Variants in SYNE4 observed in about 807,000 individuals in gnomAD.
SYNE4 encodes nesprin-4.
Under a neutral mutation model 46.9 loss-of-function variants are expected in SYNE4, and 41 were observed. The observed-to-expected ratio is 0.87, with a 90% CI of 0.68 to 1.13. The LOEUF (loss-of-function observed/expected upper bound fraction) is 1.13. Ranked by LOEUF, SYNE4 falls within the 50% of genes most tolerant of loss-of-function variation. The pLI, the probability that SYNE4 is intolerant of heterozygous loss-of-function variation, is 0.00. For synonymous variants in SYNE4, 221 were observed against 219.5 expected, an observed-to-expected ratio of 1.01 and a Z score of -0.06; for missense variants, 492 against 514.8, an observed-to-expected ratio of 0.96 and a Z score of 0.43.
chr19:36,008,604 C>A lies in SYNE4; in HGVS notation c.78G>T (p.Ala26=), dbSNP rs1219703066. Residue 26 remains alanine, a synonymous_variant, in exon 1 of 8, where the codon GCG becomes GCT. Coordinates refer to ENST00000324444, the MANE Select transcript of SYNE4 (RefSeq NM_001039876.3). ...GGCAGACGGTGCATCCAACAATGTC[C>A]GCCTCTCTAGGTGCTCCCGGTGGGT... The part of the protein sequence containing the change: ...LNHPPGAPRE[A]DIVGCTVCPA... 1.2e-6 allele frequency: 2 copies of A among 1,613,936 alleles called. No homozygotes were observed. The highest frequency in any genetic ancestry group is 1.7e-5 in the Admixed American group (1 of 59,992).
In SYNE4 at chr19:36,008,753, C is replaced by T. The variant is rs548889515; in HGVS notation, c.-72G>A. On this transcript the variant is annotated 5_prime_UTR_variant, in exon 1 of 8. Transcript: ENST00000324444. Reference sequence around the variant, plus strand: ...ACCTCTTCCCTAGACAAGGGTGTCCCAGAGCTCCTCCGCTGGAGTCACCCG... The same window carrying T: ...ACCTCTTCCCTAGACAAGGGTGTCCTAGAGCTCCTCCGCTGGAGTCACCCG... The T allele has an allele frequency of 2.8e-5, 42 of 1,502,726 alleles. 1 individual carries two copies. The African/African-American group carries it at 4.1e-4, about 15-fold the overall frequency. The allele number at this position is 1,502,726 out of a possible 1,614,324, so 93.1% of individuals were successfully genotyped here.
chr19:36,008,553 CCTCGT>C lies in SYNE4; in HGVS notation c.124_128del (p.Thr42ProfsTer16). On this transcript the variant is annotated frameshift_variant and splice_region_variant, in exon 1 of 8. Transcript: ENST00000324444. LOFTEE classifies it high-confidence loss of function. ...CAAGCTTCCAAAGCCCCGGCCCCCA[CCTCGT>C]GCTCTCCTCTCCGGACGCGGGGCAG... is the stretch of plus-strand genomic sequence containing the variant. The C allele has an allele frequency of 6.2e-7, 1 of 1,613,696 alleles. No homozygotes were observed. Among genetic ancestry groups the C allele is most frequent in the Non-Finnish European group, 8.5e-7 (1 of 1,179,930 alleles).
chr19:36,008,066 G>A (rs1968437901), intron 2 of SYNE4, 151 bp downstream of exon 2: 3 of 1,042,224 alleles, frequency 2.9e-6, no homozygotes, highest in Middle Eastern at 2.5e-4. Flanking sequence ...CAGTTGGTCA[G>A]ATATTGAAAC....
At chr19:36,005,223 C>CTTT in intron 6 of SYNE4, 110 bp downstream of exon 6, 92 of 921,384 alleles carry the variant, frequency 1.0e-4, no homozygotes, top group Middle Eastern at 2.5e-4. Flanking sequence ...CTTTCCATTA[C>CTTT]TTTTTTTTTT....
Position 36,006,619 on chromosome 19 carries a change from G to T in SYNE4, c.671C>A (p.Ser224Ter), listed in dbSNP as rs34818970. ...GACCCCACCAGGTCCTGGCCAGTCCGAGTCTCCCTCGACCTCCAAGTCCTG... is the reference window on the plus strand; with the variant it reads ...GACCCCACCAGGTCCTGGCCAGTCCTAGTCTCCCTCGACCTCCAAGTCCTG... ...LDQDLEVEGD[S>*]DWPGPGGVWG... Residue 224 changes from serine to a stop codon, truncating the protein, a stop_gained, in exon 5 of 8, where the codon TCG becomes TAG. Coordinates refer to ENST00000324444, the MANE Select transcript of SYNE4 (RefSeq NM_001039876.3). LOFTEE classifies it high-confidence loss of function. The T allele has an allele frequency of 6.2e-7, 1 of 1,610,390 alleles. No individual in the cohort carries two copies. Among genetic ancestry groups the T allele is most frequent in the Non-Finnish European group, 8.5e-7 (1 of 1,178,280 alleles).
At position 36,003,445 on chromosome 19, in the gene SYNE4, A is replaced by G; in HGVS notation, c.1107T>C (p.Gly369=). The change falls in exon 8 of 8, where the codon GGT becomes GGC. Residue 369 remains glycine, a synonymous_variant. Coordinates refer to ENST00000324444, the MANE Select transcript of SYNE4 (RefSeq NM_001039876.3). ...ILFLLFLLLV[G]AMFLLPASGG... The stretch of plus-strand genomic sequence containing the variant: ...CTGACGCGGGCAGGAGAAACATGGC[A>G]CCCACCAGGAGGAGGAAGAGGAGGA... 2.5e-6 allele frequency: 4 copies of G among 1,613,278 alleles called. No individual in the cohort carries two copies. Among genetic ancestry groups the G allele is most frequent in the Non-Finnish European group, 3.4e-6 (4 of 1,179,676 alleles).
intron 5 of SYNE4, 26 bp from the exon 6 acceptor site, chr19:36,005,463 CGT>C: frequency 1.2e-6 from 2 of 1,611,700 alleles, no homozygotes; most frequent in Non-Finnish European, 1.7e-6. Flanking sequence ...CAAAGAAAAA[CGT>C]GGTTGGGGGA....
chr19:36,005,295 G>A (rs763185459), intron 6 of SYNE4, 38 bp downstream of exon 6: 1 of 1,592,326 alleles, frequency 6.3e-7, no homozygotes, highest in Non-Finnish European at 8.6e-7. Context: ...TTGCCATCAA[G>A]ATTCCTGAGT....
intron 6 of SYNE4, 73 bp from the exon 7 acceptor site, chr19:36,003,744 A>C: frequency 6.5e-7 from 1 of 1,546,912 alleles, no homozygotes; most frequent in South Asian, 1.2e-5. Context: ...TTTGAGACGG[A>C]GTCTCACTCT....
At chr19:36,007,660 T>C in intron 2 of SYNE4, 1 of 949,002 alleles carries the variant, frequency 1.1e-6, no homozygotes, top group Non-Finnish European at 1.3e-6. Context: ...GAGGATCACT[T>C]GAGCCCAGGA....
intron 6 of SYNE4, among the ~76,000 whole-genome samples, chr19:36,004,570 G>T (rs1345050505): frequency 6.6e-6 from 1 of 152,202 alleles, no homozygotes; most frequent in Non-Finnish European, 1.5e-5. Flanking sequence ...AGGTTCAAGT[G>T]AAGCTGACAG....
chr19:36,006,887 CA>C lies in SYNE4; in HGVS notation c.480del (p.Phe160LeufsTer110). 2 of 1,563,306 alleles carry C rather than the reference CA, an allele frequency of 1.3e-6. No individual in the cohort carries two copies. Among genetic ancestry groups the C allele is most frequent in the Non-Finnish European group, 1.7e-6 (2 of 1,154,356 alleles). On this transcript the variant is annotated frameshift_variant, in exon 4 of 8. Coordinates refer to ENST00000324444, the MANE Select transcript of SYNE4 (RefSeq NM_001039876.3). LOFTEE classifies it high-confidence loss of function. The part of the protein sequence containing the change: ...AAERVEALLA[F>X]GEGLAQRSEP... ...TCACTCCGCTGTGCCAGCCCCTCAC[CA>C]AACGCTAGCAGCGCCTCCACACGCT...
rs1304609074 is a variant in SYNE4 at position 36,008,218 on chromosome 19, TCA to T, written c.276_277del (p.Cys92Ter). 1.9e-6 allele frequency: 3 copies of T among 1,609,932 alleles called. No individual in the cohort carries two copies. The highest frequency in any genetic ancestry group is 1.3e-5 in the African/African-American group (1 of 74,720). On this transcript the variant is annotated stop_gained and frameshift_variant and splice_region_variant, in exon 2 of 8. Coordinates refer to ENST00000324444, the MANE Select transcript of SYNE4 (RefSeq NM_001039876.3). LOFTEE classifies it high-confidence loss of function. ...GGGGTCTGGGTCACCTCAGCTCACC[TCA>T]CAGTGTTTGCCCCCAGCTGGGTCCT...
intron 6 of SYNE4, among the ~76,000 whole-genome samples, chr19:36,004,369 A>G (rs1466693576): frequency 6.6e-6 from 1 of 152,126 alleles, no homozygotes; most frequent in Non-Finnish European, 1.5e-5. Flanking sequence ...ATAGACCTAC[A>G]AAGCTGGTCT....
chr19:36,004,127 G>A (rs1976769455), intron 6 of SYNE4, among the ~76,000 whole-genome samples: 1 of 152,126 alleles, frequency 6.6e-6, no homozygotes, highest in Non-Finnish European at 1.5e-5. Flanking sequence ...TCTTACCTCA[G>A]CCTCCCTAAT....
rs1183773956 is a variant in SYNE4, at chr19:36,005,430, T to A, written c.875A>T (p.Asp292Val). 1.2e-6 allele frequency: 2 copies of A among 1,613,740 alleles called. No individual in the cohort carries two copies. Among genetic ancestry groups the A allele is most frequent in the African/African-American group, 2.7e-5 (2 of 74,832 alleles). ...CATGTCCTGTCGGGAGTGAGAGGTG[T>A]CTGCTTCCTGGAGAACCAGCAACAA... ...QGRGQGLEEA[D>V]TSHSRQDMLE... Residue 292 changes from aspartate (D) to valine (V), a missense_variant, in exon 6 of 8, where the codon GAC becomes GTC. Asp to Val is a radical substitution (Grantham distance 152). Coordinates refer to ENST00000324444, the MANE Select transcript of SYNE4 (RefSeq NM_001039876.3).
chr19:36,003,615 T>A lies in SYNE4; in HGVS notation c.1029A>T (p.Pro343=). Residue 343 remains proline (P), a splice_region_variant and synonymous_variant, in exon 7 of 8, where the codon CCA becomes CCT. Transcript: ENST00000324444. ...HLQDVRLEGN[P]GAPDPASRQP... ...GTCCCATCTCTCAGGCACCTCACCC[T>A]GGATTCCCCTCCAGCCTCACATCCT... The A allele has an allele frequency of 6.2e-7, 1 of 1,612,952 alleles. No homozygotes were observed. Among genetic ancestry groups the A allele is most frequent in the South Asian group, 1.1e-5 (1 of 90,618 alleles).
At position 36,003,644 on chromosome 19, in the gene SYNE4, G is replaced by C; in HGVS notation, c.1000C>G (p.Leu334Val). Residue 334 changes from leucine (L) to valine (V), a missense_variant, in exon 7 of 8, where the codon CTC becomes GTC. Transcript: ENST00000324444. Reference sequence around the variant, plus strand: ...TTCCCCTCCAGCCTCACATCCTGGAGATGAGGAGATGCTTGCCTCTTCTTG... The same window carrying C: ...TTCCCCTCCAGCCTCACATCCTGGACATGAGGAGATGCTTGCCTCTTCTTG... ...QDKKRQASPH[L>V]QDVRLEGNPG... 6.2e-7 allele frequency: 1 copy of C among 1,613,270 alleles called. No homozygotes were observed. The highest frequency in any genetic ancestry group is 8.5e-7 in the Non-Finnish European group (1 of 1,179,770).
chr19:36,008,518 C>T (rs368026319), intron 1 of SYNE4, 36 bp downstream of exon 1: 55 of 1,612,556 alleles, frequency 3.4e-5, no homozygotes, highest in Non-Finnish European at 4.4e-5. Flanking sequence ...CACGCCTACC[C>T]TTTTGGGAAC....
Sources: gnomAD v4.1 joint callset for allele counts (sites outside exome capture counted in the v4.1 genomes callset) on GRCh38, gnomAD v4.1.1 for gene constraint, MANE v1.5 for transcripts, NCBI Gene and HGNC (gene_info 2026-07-23, HGNC 2026-07-21) for gene names.